The following CTNNA3 variants were observed in gnomAD, a reference collection of about 807,000 sequenced individuals.
CTNNA3 encodes catenin alpha-3.
Under a neutral mutation model 95.7 loss-of-function variants are expected in CTNNA3, and 76 were observed. That is an observed-to-expected ratio of 0.79 (90% CI 0.66 to 0.96). The LOEUF (loss-of-function observed/expected upper bound fraction) is 0.96. CTNNA3 is among the 40% of genes least tolerant of loss of function. The probability of loss-of-function intolerance (pLI) is 0.00; values close to 1 mark genes in which losing one functional copy is unlikely to be tolerated. For missense variants in CTNNA3, 1,191 were observed against 1,089.8 expected, an observed-to-expected ratio of 1.09 and a Z score of -1.31; for synonymous variants, 431 against 374.4, an observed-to-expected ratio of 1.15 and a Z score of -1.74.
intron 11 of CTNNA3, among the ~76,000 whole-genome samples, chr10:66,420,654 C>A (rs531406267): frequency 6.6e-6 from 1 of 151,930 alleles, no homozygotes; most frequent in South Asian, 2.1e-4. Flanking sequence ...CAAAAATTAG[C>A]CGGGCGTGAT....
rs193026512 is a variant in CTNNA3 at position 66,693,172 on chromosome 10, T to G, written c.1282-71388A>C. Among the ~76,000 whole-genome samples, 39 of 152,192 alleles carry G rather than the reference T, an allele frequency of 2.6e-4. No homozygotes were observed. The East Asian group carries it at 7.6e-3, about 29-fold the overall frequency. On this transcript the variant is annotated intron_variant, in intron 9 of 17. Transcript: ENST00000433211. ...AATTAAAAGACACAGACTGGCAAAC[T>G]GGATAAAGTCAAGACCCATCAATGT...
At chr10:67,525,289 A>G (rs59494647) in intron 4 of CTNNA3, among the ~76,000 whole-genome samples, 1,641 of 152,226 alleles carry the variant, frequency 0.011, 25 homozygotes, top group African/African-American at 0.038. Context: ...TAAGCCCAGC[A>G]CTTGCTGGAA....
At chr10:66,456,115 T>A (rs2131835918) in intron 11 of CTNNA3, among the ~76,000 whole-genome samples, 1 of 152,302 alleles carries the variant, frequency 6.6e-6, no homozygotes, top group South Asian at 2.1e-4. Flanking sequence ...ATGCCATTTC[T>A]TCCCAAATTT....
chr10:67,612,519 T>C (rs1413669749), intron 2 of CTNNA3, among the ~76,000 whole-genome samples: 1 of 152,116 alleles, frequency 6.6e-6, no homozygotes, highest in Non-Finnish European at 1.5e-5. Context: ...AAATAGCAGA[T>C]AGCCAAACTT....
chr10:65,943,757 T>G (rs2077466669), intron 17 of CTNNA3, among the ~76,000 whole-genome samples: 1 of 152,214 alleles, frequency 6.6e-6, no homozygotes, highest in South Asian at 2.1e-4. Context: ...CCCCCAGTTT[T>G]ATCTTAGAAT....
chr10:66,769,066 A>C (rs10997375), intron 8 of CTNNA3, among the ~76,000 whole-genome samples: 121,177 of 152,166 alleles, frequency 0.8, 48,343 homozygotes, highest in African/African-American at 0.84. Flanking sequence ...TTAAAGAGTG[A>C]CTGTTTTTCA....
intron 13 of CTNNA3, among the ~76,000 whole-genome samples, chr10:66,105,090 A>G (rs1025510453): frequency 6.6e-6 from 1 of 152,126 alleles, no homozygotes; most frequent in Admixed American, 6.5e-5. Flanking sequence ...ACCAATTCCT[A>G]TCAGATATTA....
At chr10:66,608,422 C>T (rs1025915011) in intron 10 of CTNNA3, among the ~76,000 whole-genome samples, 2 of 152,036 alleles carry the variant, frequency 1.3e-5, no homozygotes, top group East Asian at 1.9e-4. Flanking sequence ...ACCAATGACA[C>T]TCTTCACACA....
intron 10 of CTNNA3, among the ~76,000 whole-genome samples, chr10:66,533,773 GA>G (rs1448526963): frequency 2.0e-5 from 3 of 152,148 alleles, no homozygotes; most frequent in Non-Finnish European, 4.4e-5. Flanking sequence ...CTATGGTGAT[GA>G]AAATATGTCT....
rs1840951291 is a variant in CTNNA3, at chr10:66,791,167, A to G, written c.1048-15643T>C. Among the ~76,000 whole-genome samples, 3 of 152,186 alleles carry G rather than the reference A, an allele frequency of 2.0e-5. 1 individual carries two copies. Among genetic ancestry groups the G allele is most frequent in the Admixed American group, 2.0e-4 (3 of 15,274 alleles). ...TTTGTTTAAAATCCCTCTGTTTACAATATGCTCCTCTGTTTAAAACTCCAT... is the reference window on the plus strand; with the variant it reads ...TTTGTTTAAAATCCCTCTGTTTACAGTATGCTCCTCTGTTTAAAACTCCAT... On this transcript the variant is annotated intron_variant, in intron 7 of 17. Transcript: ENST00000433211.
intron 11 of CTNNA3, among the ~76,000 whole-genome samples, chr10:66,390,020 G>C (rs1436290611): frequency 6.6e-6 from 1 of 152,172 alleles, no homozygotes; most frequent in Non-Finnish European, 1.5e-5. Flanking sequence ...ACTGGAGTGA[G>C]CCCCTGCACC....
chr10:66,491,079 G>T (rs202166606), intron 11 of CTNNA3, among the ~76,000 whole-genome samples: 1 of 152,140 alleles, frequency 6.6e-6, no homozygotes, highest in Non-Finnish European at 1.5e-5. Flanking sequence ...TAACAGAGAA[G>T]AAATGCAATT....
At chr10:66,169,165 T>G in intron 13 of CTNNA3, among the ~76,000 whole-genome samples, 1 of 152,190 alleles carries the variant, frequency 6.6e-6, no homozygotes, top group East Asian at 1.9e-4. Context: ...TAGTCTTTTA[T>G]CCCTCACTCC....
intron 9 of CTNNA3, among the ~76,000 whole-genome samples, chr10:66,625,552 C>A (rs1398255584): frequency 1.3e-5 from 2 of 152,018 alleles, no homozygotes; most frequent in South Asian, 4.1e-4. Flanking sequence ...CCACACCTGG[C>A]TAATTTTTGT....
At chr10:66,978,520 C>T in intron 7 of CTNNA3, among the ~76,000 whole-genome samples, 2 of 52,064 alleles carry the variant, frequency 3.8e-5, no homozygotes, top group South Asian at 1.9e-3. Flanking sequence ...GAGTGAGACT[C>T]CATCTCAAAA....
chr10:66,311,800 C>T (rs1032331541), intron 12 of CTNNA3, among the ~76,000 whole-genome samples: 1 of 152,294 alleles, frequency 6.6e-6, no homozygotes, highest in South Asian at 2.1e-4. Context: ...TTTTACGTTG[C>T]TCCCTGATAG....
chr10:67,647,584 GA>G, intron 1 of CTNNA3, 66 bp from the exon 2 acceptor site: 1 of 1,281,628 alleles, frequency 7.8e-7, no homozygotes, highest in South Asian at 1.2e-5. Flanking sequence ...GAACACTTAT[GA>G]AATCATGGAA....
intron 17 of CTNNA3, among the ~76,000 whole-genome samples, chr10:65,953,119 C>T (rs2077652898): frequency 6.6e-6 from 1 of 152,110 alleles, no homozygotes; most frequent in South Asian, 2.1e-4. Flanking sequence ...ATAGTTATTT[C>T]TTTATAGCAA....
chr10:66,510,349 T>C (rs1215200187), intron 11 of CTNNA3, among the ~76,000 whole-genome samples: 1 of 138,948 alleles, frequency 7.2e-6, no homozygotes, highest in Admixed American at 7.1e-5. Context: ...GAGGGACAAT[T>C]TGACTTCCTC....
Sources: gnomAD v4.1 joint callset for allele counts (sites outside exome capture counted in the v4.1 genomes callset) on GRCh38, gnomAD v4.1.1 for gene constraint, MANE v1.5 for transcripts, NCBI Gene and HGNC (gene_info 2026-07-23, HGNC 2026-07-21) for gene names.